The following DYNLT2B variants were observed in gnomAD, a reference collection of about 807,000 sequenced individuals.
DYNLT2B encodes dynein light chain Tctex-type protein 2B.
A neutral mutation model predicts 19.5 loss-of-function variants in DYNLT2B; 14 were observed. The observed-to-expected ratio is 0.72, with a 90% CI of 0.47 to 1.12. The LOEUF is 1.12. Ranked by LOEUF, DYNLT2B falls within the 50% of genes most tolerant of loss-of-function variation. DYNLT2B has a pLI of 0.00. For synonymous variants in DYNLT2B, 70 were observed against 59.7 expected (o/e 1.17, Z -0.79); for missense variants, 133 against 174.7 (o/e 0.76, Z 1.35).
At chr3:196,306,761 G>C (rs1726499551) in intron 3 of DYNLT2B, among the ~76,000 whole-genome samples, 182 bp downstream of exon 3, 1 of 151,866 alleles carries the variant, frequency 6.6e-6, no homozygotes, top group Non-Finnish European at 1.5e-5. Flanking sequence ...GGCTGGTCTT[G>C]AACTCCTGAC....
At chr3:196,298,762 C>T (rs888985724) in intron 3 of DYNLT2B, among the ~76,000 whole-genome samples, 3 of 152,034 alleles carry the variant, frequency 2.0e-5, no homozygotes, top group Non-Finnish European at 4.4e-5. Context: ...GCTGATATTC[C>T]GCAGCAGATT....
intron 4 of DYNLT2B, among the ~76,000 whole-genome samples, chr3:196,295,385 T>C (rs1726197761): frequency 6.6e-6 from 1 of 152,204 alleles, no homozygotes; most frequent in Non-Finnish European, 1.5e-5. Context: ...GGTCTTGAAC[T>C]CCTGACCTCA....
intron 2 of DYNLT2B, among the ~76,000 whole-genome samples, chr3:196,307,526 C>G (rs1726523692): frequency 6.6e-6 from 1 of 151,990 alleles, no homozygotes; most frequent in African/African-American, 2.4e-5. Flanking sequence ...TGGTCTCGAA[C>G]TCCTGACCTC....
chr3:196,295,077 T>G (rs541243857), intron 4 of DYNLT2B, among the ~76,000 whole-genome samples: 1 of 152,264 alleles, frequency 6.6e-6, no homozygotes, highest in Non-Finnish European at 1.5e-5. Context: ...GTTTCTGTTC[T>G]ACTCTAACTC....
intron 3 of DYNLT2B, among the ~76,000 whole-genome samples, chr3:196,297,346 G>A (rs945020227): frequency 3.9e-5 from 6 of 152,064 alleles, no homozygotes; most frequent in Non-Finnish European, 5.9e-5. Flanking sequence ...CCAACATGGT[G>A]AAACCCCATC....
chr3:196,291,276 A>G lies in DYNLT2B; in HGVS notation c.*51T>C. 6.5e-7 allele frequency: 1 copy of G among 1,528,566 alleles called. No homozygotes were observed. The highest frequency in any genetic ancestry group is 1.2e-5 in the South Asian group (1 of 82,962). 94.7% of individuals were successfully genotyped at this position (1,528,566 alleles called of 1,614,324 possible). A position where few individuals can be genotyped will look rare whatever the true frequency, so the allele number is the denominator to read the frequency against. The stretch of plus-strand genomic sequence containing the variant: ...GTCAAGATATTTAACAATATTAAAA[A>G]GTTCAGATTTCTTCATGGTCATGTC... On this transcript the variant is annotated 3_prime_UTR_variant, in exon 5 of 5. Transcript: ENST00000325318.
intron 2 of DYNLT2B, among the ~76,000 whole-genome samples, chr3:196,312,525 C>G (rs956255296): frequency 3.9e-5 from 6 of 152,256 alleles, no homozygotes; most frequent in African/African-American, 1.4e-4. Flanking sequence ...GTGGCACTAT[C>G]TCGGCTCACT....
At chr3:196,317,855 C>A (rs911166332) in intron 1 of DYNLT2B, among the ~76,000 whole-genome samples, 185 bp downstream of exon 1, 3 of 151,738 alleles carry the variant, frequency 2.0e-5, no homozygotes, top group Non-Finnish European at 2.9e-5. Flanking sequence ...CCCTGCGGCC[C>A]CTGCAGCGGG....
intron 4 of DYNLT2B, among the ~76,000 whole-genome samples, chr3:196,295,290 A>G (rs1452126806): frequency 2.6e-5 from 4 of 152,130 alleles, no homozygotes; most frequent in African/African-American, 9.7e-5. Context: ...CCTCCTGAGT[A>G]GCTGGGATTA....
Position 196,294,220 on chromosome 3 carries a change from G to T in DYNLT2B, c.381+1786C>A, listed in dbSNP as rs574874148. Among the ~76,000 whole-genome samples, 10 of 152,116 alleles carry T rather than the reference G, an allele frequency of 6.6e-5. No homozygotes were observed. The East Asian group carries it at 1.9e-3, about 30-fold the overall frequency. The stretch of plus-strand genomic sequence containing the variant: ...TACAAAATTAGCCAGGTGTGGTGGT[G>T]CATGCCTGTAATCCCAGCTACTCGG... On this transcript the variant is annotated intron_variant, in intron 4 of 4. Transcript: ENST00000325318.
At position 196,295,989 on chromosome 3, in the gene DYNLT2B, T is replaced by A. The variant is rs1560185955; in HGVS notation, c.381+17A>T. On this transcript the variant is annotated intron_variant, in intron 4 of 4. Coordinates refer to ENST00000325318, the MANE Select transcript of DYNLT2B (RefSeq NM_152773.5). The stretch of plus-strand genomic sequence containing the variant: ...CACGTTCTTAGAAAGGGAAAAGAGG[T>A]TTCCAAATACACTTACATTCATGAA... 1.2e-6 allele frequency: 2 copies of A among 1,605,282 alleles called. No individual in the cohort carries two copies. Among genetic ancestry groups the A allele is most frequent in the South Asian group, 2.2e-5 (2 of 90,092 alleles).
chr3:196,317,281 T>G (rs1232812380), intron 1 of DYNLT2B, among the ~76,000 whole-genome samples: 1 of 52,672 alleles, frequency 1.9e-5, no homozygotes. Context: ...TGTGTGTGTG[T>G]TGTGTGTGTG....
rs200389535 is a variant in DYNLT2B at position 196,318,181 on chromosome 3, C to G, written c.-29G>C. On this transcript the variant is annotated 5_prime_UTR_variant, in exon 1 of 5. Coordinates refer to ENST00000325318, the MANE Select transcript of DYNLT2B (RefSeq NM_152773.5). ...GGGGCTTCTCGGTCCGGGCGTAGCT[C>G]GCGATGAAGGCCTAGCGGGTTGCGG... 1 of 1,367,510 alleles carries G rather than the reference C, an allele frequency of 7.3e-7. No individual in the cohort carries two copies. Among genetic ancestry groups the G allele is most frequent in the Non-Finnish European group, 9.8e-7 (1 of 1,021,068 alleles). The allele number at this position is 1,367,510 out of a possible 1,614,324, so 84.7% of individuals were successfully genotyped here. A position where few individuals can be genotyped will look rare whatever the true frequency, so the allele number is the denominator to read the frequency against.
At chr3:196,299,747 TG>T (rs1304748361) in intron 3 of DYNLT2B, among the ~76,000 whole-genome samples, 1 of 150,968 alleles carries the variant, frequency 6.6e-6, no homozygotes, top group Non-Finnish European at 1.5e-5. Flanking sequence ...CTGGCTAACG[TG>T]GTGAAACCCC....
intron 3 of DYNLT2B, among the ~76,000 whole-genome samples, chr3:196,302,524 T>C (rs924334800): frequency 1.3e-5 from 2 of 152,214 alleles, no homozygotes; most frequent in African/African-American, 2.4e-5. Flanking sequence ...TAAAGTAGTA[T>C]TGAATAATCA....
chr3:196,296,044 C>T lies in DYNLT2B; in HGVS notation c.343G>A (p.Ala115Thr), dbSNP rs1726214562. ...TCATGAGTATAGTTGTCAGTGTCAG[C>T]ATCCCAGAAACAGCGAGAAGCCATG... Reference protein sequence around the residue: ...VFMASRCFWDADTDNYTHDVF... With the variant: ...VFMASRCFWDTDTDNYTHDVF... The change falls in exon 4 of 5, where the codon GCT becomes ACT. Residue 115 changes from alanine (A) to threonine (T), a missense_variant. Ala to Thr is a moderately conservative substitution (Grantham distance 58). Coordinates refer to ENST00000325318, the MANE Select transcript of DYNLT2B (RefSeq NM_152773.5). 3 of 1,613,774 alleles carry T rather than the reference C, an allele frequency of 1.9e-6. No individual in the cohort carries two copies. The highest frequency in any genetic ancestry group is 2.5e-6 in the Non-Finnish European group (3 of 1,179,918).
At chr3:196,292,254 G>A (rs1207958686) in intron 4 of DYNLT2B, 2 of 152,218 alleles carry the variant, frequency 1.3e-5, no homozygotes, top group Non-Finnish European at 2.9e-5. Flanking sequence ...TTTATTACAA[G>A]ATTTCCACCT....
At chr3:196,291,860 G>A (rs1560184558) in intron 4 of DYNLT2B, among the ~76,000 whole-genome samples, 1 of 152,202 alleles carries the variant, frequency 6.6e-6, no homozygotes, top group African/African-American at 2.4e-5. Context: ...TTGCTTGCCT[G>A]AGGGTGACTA....
chr3:196,304,280 C>T (rs1221233012), intron 3 of DYNLT2B, among the ~76,000 whole-genome samples: 1 of 151,950 alleles, frequency 6.6e-6, no homozygotes, highest in Non-Finnish European at 1.5e-5. Context: ...TACAGGTGTG[C>T]ACCACCATGC....
Sources: gnomAD v4.1 joint callset for allele counts (sites outside exome capture counted in the v4.1 genomes callset) on GRCh38, gnomAD v4.1.1 for gene constraint, MANE v1.5 for transcripts, NCBI Gene and HGNC (gene_info 2026-07-23, HGNC 2026-07-21) for gene names.